Variants in ZCWPW2 observed in about 807,000 individuals in gnomAD.
ZCWPW2 encodes the protein zinc finger CW-type PWWP domain protein 2.
Under a neutral mutation model 46.6 loss-of-function variants are expected in ZCWPW2, and 45 were observed. The observed-to-expected ratio is 0.96, with a 90% CI of 0.76 to 1.24. The LOEUF is 1.24. Among genes scored for constraint, ZCWPW2 ranks in the 50% most tolerant of loss-of-function variants. ZCWPW2 has a pLI of 0.00. For missense variants in ZCWPW2, 429 were observed against 403.9 expected, an observed-to-expected ratio of 1.06 and a Z score of -0.53; for synonymous variants, 152 against 137.1, an observed-to-expected ratio of 1.11 and a Z score of -0.76.
At chr3:28,474,595 G>GTC (rs1196751997) in intron 4 of ZCWPW2, among the ~76,000 whole-genome samples, 7 of 144,072 alleles carry the variant, frequency 4.9e-5, no homozygotes, top group Non-Finnish European at 6.2e-5. Flanking sequence ...GCGTGTGTGT[G>GTC]TGTGTGTGTG....
intron 1 of ZCWPW2, among the ~76,000 whole-genome samples, chr3:28,365,304 C>A (rs2125696685): frequency 7.1e-6 from 1 of 141,016 alleles, no homozygotes; most frequent in African/African-American, 2.5e-5. Flanking sequence ...GTCTTTAATC[C>A]ATCTTGAATT....
chr3:28,427,577 T>C (rs897423017), intron 3 of ZCWPW2, among the ~76,000 whole-genome samples: 1 of 152,190 alleles, frequency 6.6e-6, no homozygotes, highest in Admixed American at 6.5e-5. Context: ...TAATTTAATA[T>C]GTTTAAATAT....
intron 1 of ZCWPW2, among the ~76,000 whole-genome samples, chr3:28,380,567 A>G (rs550619351): frequency 6.6e-6 from 1 of 152,142 alleles, no homozygotes; most frequent in Non-Finnish European, 1.5e-5. Context: ...AATGATTTCC[A>G]TGTTGAAATT....
In ZCWPW2 at chr3:28,352,310, T is replaced by TC. The variant is rs1223773203; in HGVS notation, c.-134+3110dup. Among the ~76,000 whole-genome samples, 10 of 152,300 alleles carry TC rather than the reference T, an allele frequency of 6.6e-5. No homozygotes were observed. In the South Asian group the frequency reaches 1.5e-3, roughly 22 times the overall value. On this transcript the variant is annotated intron_variant, in intron 1 of 9. Coordinates refer to ENST00000383768, the MANE Select transcript of ZCWPW2 (RefSeq NM_001040432.4). ...AACCTTGAGAGGAACATAAAGGCTT[T>TC]CCCGGGGGGGTTATATAGTTAAGGA...
Position 28,450,833 on chromosome 3 carries a change from A to C in ZCWPW2, c.492+15564A>C, listed in dbSNP as rs113786839. On this transcript the variant is annotated intron_variant, in intron 4 of 9. Transcript: ENST00000383768. ...AGGGAAATGGAAAGGGAGCTTTGCCATATTGCTAAACTTGAGCTTTATAGC... is the reference window on the plus strand; with the variant it reads ...AGGGAAATGGAAAGGGAGCTTTGCCCTATTGCTAAACTTGAGCTTTATAGC... Among the ~76,000 whole-genome samples the C allele has an allele frequency of 4.3e-3, 661 of 152,304 alleles. 5 individuals carry two copies. The highest frequency in any genetic ancestry group is 0.017 in the Middle Eastern group (5 of 294).
At chr3:28,425,723 C>A (rs1244886306) in intron 3 of ZCWPW2, among the ~76,000 whole-genome samples, 3 of 152,200 alleles carry the variant, frequency 2.0e-5, no homozygotes, top group Non-Finnish European at 4.4e-5. Flanking sequence ...ATAGCACTTT[C>A]TTTTCCTATG....
intron 5 of ZCWPW2, among the ~76,000 whole-genome samples, chr3:28,488,454 T>A (rs928056362): frequency 2.0e-5 from 3 of 152,184 alleles, no homozygotes; most frequent in African/African-American, 7.2e-5. Context: ...GTCCTCTATG[T>A]TTTTACGAAA....
In ZCWPW2 at chr3:28,365,229, A is replaced by G. The variant is rs1047074702; in HGVS notation, c.-134+16026A>G. Among the ~76,000 whole-genome samples, 36 of 145,898 alleles carry G rather than the reference A, an allele frequency of 2.5e-4. 1 individual carries two copies. The highest frequency in any genetic ancestry group is 8.6e-4 in the African/African-American group (35 of 40,552). On this transcript the variant is annotated intron_variant, in intron 1 of 9. Transcript: ENST00000383768. Reference sequence around the variant, plus strand: ...AGACATGAAGTCCTTGCCCATGCTTATGTCCTGAATGGTATTGCCTAGGTT... The same window carrying G: ...AGACATGAAGTCCTTGCCCATGCTTGTGTCCTGAATGGTATTGCCTAGGTT...
At chr3:28,398,825 C>T (rs904954945) in intron 2 of ZCWPW2, among the ~76,000 whole-genome samples, 2 of 152,170 alleles carry the variant, frequency 1.3e-5, no homozygotes, top group Non-Finnish European at 2.9e-5. Flanking sequence ...ATCTGCCTGG[C>T]CTCACAGGAG....
chr3:28,368,611 G>T (rs373491207), intron 1 of ZCWPW2, among the ~76,000 whole-genome samples: 11 of 151,992 alleles, frequency 7.2e-5, no homozygotes, highest in Non-Finnish European at 1.2e-4. Flanking sequence ...TCATTTCAAC[G>T]TTGGTGAATC....
intron 1 of ZCWPW2, among the ~76,000 whole-genome samples, chr3:28,372,466 C>CT (rs895084395): frequency 6.6e-6 from 1 of 151,982 alleles, no homozygotes; most frequent in Non-Finnish European, 1.5e-5. Flanking sequence ...TTAAAAATAA[C>CT]TTTTTTTCTT....
chr3:28,519,211 G>A (rs1195741434), intron 8 of ZCWPW2, among the ~76,000 whole-genome samples: 2 of 152,176 alleles, frequency 1.3e-5, no homozygotes, highest in Admixed American at 1.3e-4. Context: ...ATGTGGAGTT[G>A]CTTATCAGAA....
intron 6 of ZCWPW2, among the ~76,000 whole-genome samples, chr3:28,506,085 T>TATATATATTTAA (rs1700267049): frequency 6.8e-6 from 1 of 146,992 alleles, no homozygotes; most frequent in Admixed American, 6.9e-5. Flanking sequence ...AATATATATA[T>TATATATATTTAA]TATATATATA....
At chr3:28,393,463 A>G (rs1482328270) in intron 2 of ZCWPW2, among the ~76,000 whole-genome samples, 8 of 152,134 alleles carry the variant, frequency 5.3e-5, no homozygotes, top group Non-Finnish European at 4.4e-5. Context: ...CCCTTATACC[A>G]CAATCAGACA....
At chr3:28,424,590 A>G (rs866315331) in intron 3 of ZCWPW2, among the ~76,000 whole-genome samples, 2 of 152,120 alleles carry the variant, frequency 1.3e-5, no homozygotes, top group Admixed American at 1.3e-4. Context: ...GAAGAAACCA[A>G]ACATGTCAAT....
intron 4 of ZCWPW2, among the ~76,000 whole-genome samples, chr3:28,469,041 T>C (rs1698938762): frequency 6.6e-6 from 1 of 152,018 alleles, no homozygotes; most frequent in Non-Finnish European, 1.5e-5. Flanking sequence ...AAATAAGATA[T>C]AAATAGAAAC....
chr3:28,474,286 C>T (rs1699145771), intron 4 of ZCWPW2, among the ~76,000 whole-genome samples: 1 of 152,136 alleles, frequency 6.6e-6, no homozygotes, highest in South Asian at 2.1e-4. Context: ...CTTTGACCTC[C>T]TCATTCAAAA....
intron 3 of ZCWPW2, among the ~76,000 whole-genome samples, 160 bp downstream of exon 3, chr3:28,413,560 A>G (rs1696495891): frequency 6.6e-6 from 1 of 152,004 alleles, no homozygotes; most frequent in African/African-American, 2.4e-5. Flanking sequence ...CTAGCTTTTT[A>G]AATGGGAAAG....
At chr3:28,492,662 T>A (rs1301612349) in intron 6 of ZCWPW2, among the ~76,000 whole-genome samples, 1 of 152,094 alleles carries the variant, frequency 6.6e-6, no homozygotes, top group Non-Finnish European at 1.5e-5. Context: ...TTATTACAAT[T>A]TAATACATTA....
Sources: gnomAD v4.1 joint callset for allele counts (sites outside exome capture counted in the v4.1 genomes callset) on GRCh38, gnomAD v4.1.1 for gene constraint, MANE v1.5 for transcripts, NCBI Gene and HGNC (gene_info 2026-07-23, HGNC 2026-07-21) for gene names.